The following STAT1 variants were observed in gnomAD, a reference collection of about 807,000 sequenced individuals.
STAT1 encodes the protein signal transducer and activator of transcription 1.
A neutral mutation model predicts 111.7 loss-of-function variants in STAT1; 24 were observed. The observed-to-expected ratio is 0.21, with a 90% confidence interval of 0.16 to 0.30. The LOEUF (loss-of-function observed/expected upper bound fraction) is 0.30, where lower values mean the gene tolerates loss of function less well. Ranked by LOEUF, STAT1 falls within the 10% of genes least tolerant of loss-of-function variation. The pLI is 1.00. For synonymous variants in STAT1, 332 were observed against 326.5 expected (o/e 1.02, Z -0.18); for missense variants, 351 against 911.9 (o/e 0.38, Z 7.92).
chr2:191,013,127 G>C (rs1390307481), intron 2 of STAT1, among the ~76,000 whole-genome samples: 2 of 152,190 alleles, frequency 1.3e-5, no homozygotes, highest in Non-Finnish European at 2.9e-5. Context: ...TTGTTGAATT[G>C]AAATTATGTA....
rs1319919863 is a variant in STAT1, at chr2:190,998,640, C to T, written c.542-332G>A. 2.0e-5 allele frequency among the ~76,000 whole-genome samples: 3 copies of T among 147,382 alleles called. No individual in the cohort carries two copies. The highest frequency in any genetic ancestry group is 1.4e-4 in the Admixed American group (2 of 14,724). On this transcript the variant is annotated intron_variant, in intron 7 of 24. Transcript: ENST00000361099. The surrounding 1 kb of genome is among the most constrained non-coding windows in gnomAD (Gnocchi z 4.1). ...TCTCGCCACTGCACTCTAGCCTGGG[C>T]GACAGAGCGAGACTCCGTCTCCAAA...
chr2:190,982,244 A>G lies in STAT1; in HGVS notation c.1582+139T>C. 1 of 973,456 alleles carries G rather than the reference A, an allele frequency of 1.0e-6. No homozygotes were observed. Among genetic ancestry groups the G allele is most frequent in the Non-Finnish European group, 1.6e-6 (1 of 622,460 alleles). The allele number at this position is 973,456 out of a possible 1,614,324, so 60.3% of individuals were successfully genotyped here. ...TGACATATGATTCTCACTTAGCTAT[A>G]ATAAACTATAGCTTGAAAAGCTGAC... On this transcript the variant is annotated intron_variant, in intron 18 of 24. Transcript: ENST00000361099. The surrounding 1 kb of genome is among the most constrained non-coding windows in gnomAD (Gnocchi z 7.3).
Position 190,990,017 on chromosome 2 carries a change from A to T in STAT1, c.1038-343T>A, listed in dbSNP as rs1693193846. ...CACAATTTCGACCTTTGGCCAATTTATATGGGTAAAATAGCAAACATTACT... is the reference window on the plus strand; with the variant it reads ...CACAATTTCGACCTTTGGCCAATTTTTATGGGTAAAATAGCAAACATTACT... On this transcript the variant is annotated intron_variant, in intron 11 of 24. Coordinates refer to ENST00000361099, the MANE Select transcript of STAT1 (RefSeq NM_007315.4). This position sits in a 1 kb window ranked among gnomAD's most constrained non-coding sequence, Gnocchi z 5.1. Among the ~76,000 whole-genome samples the T allele has an allele frequency of 6.6e-6, 1 of 152,244 alleles. No individual in the cohort carries two copies. Among genetic ancestry groups the T allele is most frequent in the Non-Finnish European group, 1.5e-5 (1 of 68,030 alleles).
chr2:190,989,628 C>A lies in STAT1; in HGVS notation c.1084G>T (p.Val362Phe). The change falls in exon 12 of 25, where the codon GTC becomes TTC. Residue 362 changes from valine to phenylalanine, a missense_variant. This residue lies in a region of STAT1 where 23 missense variants were observed against 123.1 expected (regional missense o/e 0.19). Coordinates refer to ENST00000361099, the MANE Select transcript of STAT1 (RefSeq NM_007315.4). This position sits in a 1 kb window ranked among gnomAD's most constrained non-coding sequence, Gnocchi z 5.0. ...QELNYNLKVK[V>F]LFDKDVNERN... ...AAGATATCTTACTTATCAAATAAGA[C>A]TTTGACTTTCAAATTATAATTCAGC... 1.9e-6 allele frequency: 3 copies of A among 1,576,214 alleles called. No homozygotes were observed. The highest frequency in any genetic ancestry group is 2.6e-6 in the Non-Finnish European group (3 of 1,150,856).
rs775383024 is a variant in STAT1 at position 191,009,917 on chromosome 2, T to C, written c.87A>G (p.Glu29=). The C allele has an allele frequency of 6.2e-7, 1 of 1,614,070 alleles. No individual in the cohort carries two copies. Among genetic ancestry groups the C allele is most frequent in the South Asian group, 1.1e-5 (1 of 91,080 alleles). ...HQLYDDSFPM[E]IRQYLAQWLE... ...ACCACTGTGCCAGGTACTGTCTGAT[T>C]TCCATGGGAAAACTGTCATCATAAA... The change falls in exon 3 of 25, where the codon GAA becomes GAG. Residue 29 remains glutamate (E), a synonymous_variant. Transcript: ENST00000361099.
rs1489632814 is a variant in STAT1, at chr2:190,986,685, G to A, written c.1221+169C>T. On this transcript the variant is annotated intron_variant, in intron 14 of 24. Coordinates refer to ENST00000361099, the MANE Select transcript of STAT1 (RefSeq NM_007315.4). The surrounding 1 kb of genome is among the most constrained non-coding windows in gnomAD (Gnocchi z 5.0). Reference sequence around the variant, plus strand: ...GAGTGAACAGTCGTGGGATAAGGAGGAGAAACCAAAATGCCCCAAGTACTG... The same window carrying A: ...GAGTGAACAGTCGTGGGATAAGGAGAAGAAACCAAAATGCCCCAAGTACTG... Among the ~76,000 whole-genome samples, 1 of 152,200 alleles carries A rather than the reference G, an allele frequency of 6.6e-6. No homozygotes were observed. The highest frequency in any genetic ancestry group is 1.5e-5 in the Non-Finnish European group (1 of 68,038).
rs1176302299 is a variant in STAT1 at position 190,995,561 on chromosome 2, A to G, written c.786-342T>C. Among the ~76,000 whole-genome samples the G allele has an allele frequency of 6.6e-6, 1 of 152,172 alleles. No individual in the cohort carries two copies. Among genetic ancestry groups the G allele is most frequent in the Non-Finnish European group, 1.5e-5 (1 of 68,036 alleles). On this transcript the variant is annotated intron_variant, in intron 9 of 24. Transcript: ENST00000361099. The surrounding 1 kb of genome is among the most constrained non-coding windows in gnomAD (Gnocchi z 4.2). ...TTGGGGGAACCACCCCCATGATTCAATTATCTCCACCTGGCCCTGCCCTTG... is the reference window on the plus strand; with the variant it reads ...TTGGGGGAACCACCCCCATGATTCAGTTATCTCCACCTGGCCCTGCCCTTG...
chr2:190,998,539 G>C lies in STAT1; in HGVS notation c.542-231C>G, dbSNP rs936067804. ...TAGCCGGGCGCAGTGGCAGACGCCT[G>C]TAGTCCCAGCTACTCGGGAGGCTGA... On this transcript the variant is annotated intron_variant, in intron 7 of 24. Transcript: ENST00000361099. This position sits in a 1 kb window ranked among gnomAD's most constrained non-coding sequence, Gnocchi z 4.1. 6.6e-6 allele frequency among the ~76,000 whole-genome samples: 1 copy of C among 152,080 alleles called. No homozygotes were observed. The highest frequency in any genetic ancestry group is 1.9e-4 in the East Asian group (1 of 5,200).
intron 24 of STAT1, among the ~76,000 whole-genome samples, chr2:190,972,818 T>TGG (rs1691605142): frequency 1.1e-5 from 1 of 94,674 alleles, no homozygotes; most frequent in Admixed American, 1.0e-4. Context: ...GTATAGAGGG[T>TGG]GTGTGTGTGT....
Position 190,997,722 on chromosome 2 carries a change from C to T in STAT1, c.785+134G>A, listed in dbSNP as rs41429347. 3.0e-3 allele frequency: 4,138 copies of T among 1,363,336 alleles called. 107 individuals are homozygous for T. The African/African-American group carries it at 0.048, about 16-fold the overall frequency. 84.5% of individuals were successfully genotyped at this position (1,363,336 alleles called of 1,614,324 possible). A position where few individuals can be genotyped will look rare whatever the true frequency, so the allele number is the denominator to read the frequency against. On this transcript the variant is annotated intron_variant, in intron 9 of 24. Coordinates refer to ENST00000361099, the MANE Select transcript of STAT1 (RefSeq NM_007315.4). The surrounding 1 kb of genome is among the most constrained non-coding windows in gnomAD (Gnocchi z 7.3). ...TCCAAGGGAGTGTTTCCAGGGTAAG[C>T]AGAAGCTGGACTATGTCAAACTCTA...
Position 190,995,023 on chromosome 2 carries a change from C to T in STAT1, c.944+38G>A, listed in dbSNP as rs1365839505. ...CGGTAAAATGTTCCTCTGTATAGAC[C>T]GATTACAGAAGGTACAAATAAATGT... is the stretch of plus-strand genomic sequence containing the variant. On this transcript the variant is annotated intron_variant, in intron 10 of 24. Coordinates refer to ENST00000361099, the MANE Select transcript of STAT1 (RefSeq NM_007315.4). This position sits in a 1 kb window ranked among gnomAD's most constrained non-coding sequence, Gnocchi z 4.2. The T allele has an allele frequency of 7.5e-6, 12 of 1,596,516 alleles. No homozygotes were observed. The highest frequency in any genetic ancestry group is 2.2e-5 in the South Asian group (2 of 90,720).
Position 190,993,444 on chromosome 2 carries a change from T to C in STAT1, c.944+1617A>G. ...ATTTTGAAATCCATACCAATTGTGC[T>C]GATGTAGCTTTCTGTATATGTTATC... On this transcript the variant is annotated intron_variant, in intron 10 of 24. Transcript: ENST00000361099. The surrounding 1 kb of genome is among the most constrained non-coding windows in gnomAD (Gnocchi z 4.1). 3 of 1,399,378 alleles carry C rather than the reference T, an allele frequency of 2.1e-6. No individual in the cohort carries two copies. The highest frequency in any genetic ancestry group is 3.0e-6 in the Non-Finnish European group (3 of 1,005,018). 86.7% of individuals were successfully genotyped at this position (1,399,378 alleles called of 1,614,324 possible).
rs761863225 is a variant in STAT1 at position 190,995,330 on chromosome 2, C to G, written c.786-111G>C. The G allele has an allele frequency of 2.7e-6, 3 of 1,092,400 alleles. No homozygotes were observed. Among genetic ancestry groups the G allele is most frequent in the African/African-American group, 1.5e-5 (1 of 64,846 alleles). The allele number at this position is 1,092,400 out of a possible 1,614,324, so 67.7% of individuals were successfully genotyped here. A position where few individuals can be genotyped will look rare whatever the true frequency, so the allele number is the denominator to read the frequency against. On this transcript the variant is annotated intron_variant, in intron 9 of 24. Transcript: ENST00000361099. The surrounding 1 kb of genome is among the most constrained non-coding windows in gnomAD (Gnocchi z 4.2). ...TTCTCATGCTGCTAATAAAGACATA[C>G]TCGAGACTGGAGAATTTATAAAGGA... is the stretch of plus-strand genomic sequence containing the variant.
chr2:191,004,136 C>T lies in STAT1; in HGVS notation c.373-2973G>A, dbSNP rs1376444895. Among the ~76,000 whole-genome samples, 1 of 152,182 alleles carries T rather than the reference C, an allele frequency of 6.6e-6. No individual in the cohort carries two copies. The highest frequency in any genetic ancestry group is 2.4e-5 in the African/African-American group (1 of 41,428). On this transcript the variant is annotated intron_variant, in intron 5 of 24. Transcript: ENST00000361099. This position sits in a 1 kb window ranked among gnomAD's most constrained non-coding sequence, Gnocchi z 5.0. ...GCTCTCTTACCCCTTCCACTCATCC[C>T]TCCCTGCTTCCCTCCACCCTGCCCC...
Position 190,979,930 on chromosome 2 carries a change from T to C in STAT1, c.1633-64A>G. The C allele has an allele frequency of 8.9e-7, 1 of 1,125,352 alleles. No homozygotes were observed. The highest frequency in any genetic ancestry group is 1.3e-6 in the Non-Finnish European group (1 of 748,312). 69.7% of individuals were successfully genotyped at this position (1,125,352 alleles called of 1,614,324 possible). A position where few individuals can be genotyped will look rare whatever the true frequency, so the allele number is the denominator to read the frequency against. On this transcript the variant is annotated intron_variant, in intron 19 of 24. Coordinates refer to ENST00000361099, the MANE Select transcript of STAT1 (RefSeq NM_007315.4). The surrounding 1 kb of genome is among the most constrained non-coding windows in gnomAD (Gnocchi z 5.8). ...TAAAACAATGACTTACCATGGCCCC[T>C]CCCACCATCATTTGCAAAGACTCCC...
rs574239636 is a variant in STAT1 at position 191,003,982 on chromosome 2, T to C, written c.373-2819A>G. On this transcript the variant is annotated intron_variant, in intron 5 of 24. Transcript: ENST00000361099. The surrounding 1 kb of genome is among the most constrained non-coding windows in gnomAD (Gnocchi z 4.0). ...TAAAACAGCAGCTACATCCCCAGCT[T>C]CTACATCCCCTTTCTACTGACTTGC... 6.6e-6 allele frequency among the ~76,000 whole-genome samples: 1 copy of C among 152,314 alleles called. No homozygotes were observed. The highest frequency in any genetic ancestry group is 1.9e-4 in the East Asian group (1 of 5,174).
At chr2:191,009,736 A>G in intron 3 of STAT1, 140 bp downstream of exon 3, 1 of 1,267,850 alleles carries the variant, frequency 7.9e-7, no homozygotes, top group Non-Finnish European at 1.1e-6. Flanking sequence ...CATTTTTTAA[A>G]TCAACAAACT....
rs528626040 is a variant in STAT1 at position 190,969,667 on chromosome 2, T to C, written c.*1036A>G. On this transcript the variant is annotated 3_prime_UTR_variant, in exon 25 of 25. Transcript: ENST00000361099. Reference sequence around the variant, plus strand: ...ATATGCAGTTCTCAATGCAGTTACATAGGAAATGAGTTTTGAAATGATCTG... The same window carrying C: ...ATATGCAGTTCTCAATGCAGTTACACAGGAAATGAGTTTTGAAATGATCTG... The C allele has an allele frequency of 2.6e-4, 40 of 152,346 alleles. No individual in the cohort carries two copies. The highest frequency in any genetic ancestry group is 9.1e-4 in the African/African-American group (38 of 41,584). The allele number at this position is 152,346 out of a possible 1,614,324, so 9.4% of individuals were successfully genotyped here.
rs1259005548 is a variant in STAT1 at position 190,993,514 on chromosome 2, C to T, written c.944+1547G>A. ...AGGCAAGACTTTCCAACCCCAGAGT[C>T]GCCAATCAGAAGTAATTTGAATAAA... On this transcript the variant is annotated intron_variant, in intron 10 of 24. Coordinates refer to ENST00000361099, the MANE Select transcript of STAT1 (RefSeq NM_007315.4). The surrounding 1 kb of genome is among the most constrained non-coding windows in gnomAD (Gnocchi z 4.1). 30 of 779,740 alleles carry T rather than the reference C, an allele frequency of 3.8e-5. No homozygotes were observed. Among genetic ancestry groups the T allele is most frequent in the Non-Finnish European group, 5.5e-5 (25 of 450,878 alleles). The allele number at this position is 779,740 out of a possible 1,614,324, so 48.3% of individuals were successfully genotyped here. A position where few individuals can be genotyped will look rare whatever the true frequency, so the allele number is the denominator to read the frequency against.
Sources: allele counts gnomAD v4.1 joint callset (sites outside exome capture counted in the v4.1 genomes callset), GRCh38; gene constraint gnomAD v4.1.1; regional missense constraint gnomAD v4.1.1; non-coding constraint Gnocchi (gnomAD v3.1); transcripts MANE v1.5; gene names NCBI Gene and HGNC (gene_info 2026-07-23, HGNC 2026-07-21).